DAPP1: variants seen among roughly 807,000 people sequenced by gnomAD.
DAPP1 encodes dual adapter for phosphotyrosine and 3-phosphotyrosine and 3-phosphoinositide.
DAPP1 carries 20 observed loss-of-function variants against 41.5 expected under a neutral mutation model. That is an observed-to-expected ratio of 0.48 (90% confidence interval 0.34 to 0.70). The LOEUF is 0.70. Ranked by LOEUF, DAPP1 falls within the 30% of genes least tolerant of loss-of-function variation. DAPP1 has a pLI of 0.01. For synonymous variants in DAPP1, 113 were observed against 116.2 expected, an observed-to-expected ratio of 0.97 and a Z score of 0.18; for missense variants, 233 against 333.4, an observed-to-expected ratio of 0.70 and a Z score of 2.35.
chr4:99,845,498 A>C (rs1184182739), intron 3 of DAPP1, among the ~76,000 whole-genome samples: 1 of 152,220 alleles, frequency 6.6e-6, no homozygotes, highest in Non-Finnish European at 1.5e-5. Flanking sequence ...CCTTTAATAA[A>C]TTTGGAAGAA....
In DAPP1 at chr4:99,869,563, T is replaced by C. The variant is rs1348718750; in HGVS notation, c.*1378T>C. 6.6e-6 allele frequency: 1 copy of C among 152,224 alleles called. No homozygotes were observed. Among genetic ancestry groups the C allele is most frequent in the Non-Finnish European group, 1.5e-5 (1 of 68,038 alleles). 9.4% of individuals were successfully genotyped at this position (152,224 alleles called of 1,614,324 possible). ...TTGTATATTTCAACAACATTTTAAATGTATTTTGTTATGTTTGTATTATAT... is the reference window on the plus strand; with the variant it reads ...TTGTATATTTCAACAACATTTTAAACGTATTTTGTTATGTTTGTATTATAT... On this transcript the variant is annotated 3_prime_UTR_variant, in exon 9 of 9. Transcript: ENST00000512369.
intron 1 of DAPP1, among the ~76,000 whole-genome samples, chr4:99,835,012 ATT>A (rs34131192): frequency 0.045 from 6,405 of 143,802 alleles, 168 homozygotes; most frequent in Middle Eastern, 0.12. Flanking sequence ...TAATGACCTC[ATT>A]TTTTTTTTTT....
At chr4:99,833,198 C>A (rs1298303393) in intron 1 of DAPP1, among the ~76,000 whole-genome samples, 1 of 152,186 alleles carries the variant, frequency 6.6e-6, no homozygotes, top group African/African-American at 2.4e-5. Context: ...ACTTATAATT[C>A]TTCCAATTGT....
chr4:99,860,897 C>T (rs986102415), intron 4 of DAPP1, among the ~76,000 whole-genome samples: 1 of 152,168 alleles, frequency 6.6e-6, no homozygotes, highest in African/African-American at 2.4e-5. Context: ...CCTTATATTT[C>T]GTAGGTGTTA....
chr4:99,817,361 C>T (rs1339088853), intron 1 of DAPP1, among the ~76,000 whole-genome samples: 2 of 152,122 alleles, frequency 1.3e-5, no homozygotes, highest in South Asian at 2.1e-4. Context: ...TGAATAAATG[C>T]GCTGTTCAAG....
chr4:99,860,193 T>G (rs966934062), intron 4 of DAPP1, among the ~76,000 whole-genome samples: 1 of 152,258 alleles, frequency 6.6e-6, no homozygotes, highest in Non-Finnish European at 1.5e-5. Context: ...TGAATAAAAT[T>G]AATAGTCTCA....
chr4:99,818,377 G>A lies in DAPP1; in HGVS notation c.101+1363G>A, dbSNP rs1312549198. Among the ~76,000 whole-genome samples, 5 of 152,282 alleles carry A rather than the reference G, an allele frequency of 3.3e-5. No homozygotes were observed. In the South Asian group the frequency reaches 6.2e-4, roughly 19 times the overall value. On this transcript the variant is annotated intron_variant, in intron 1 of 8. Transcript: ENST00000512369. ...TCTTATTGAACTATTAAGTTACAATGCTTTACATGTTCTGTTAACTGTATT... is the reference window on the plus strand; with the variant it reads ...TCTTATTGAACTATTAAGTTACAATACTTTACATGTTCTGTTAACTGTATT...
chr4:99,870,873 T>C (rs1186551308), downstream of DAPP1, among the ~76,000 whole-genome samples: 4 of 152,134 alleles, frequency 2.6e-5, no homozygotes, highest in Non-Finnish European at 5.9e-5. Flanking sequence ...TTACAATGAT[T>C]TGATTTAGGA....
chr4:99,844,600 T>C (rs533120705), intron 3 of DAPP1: 1 of 152,346 alleles, frequency 6.6e-6, no homozygotes, highest in African/African-American at 2.4e-5. Context: ...TATGTTTCAA[T>C]AATTCTTAAC....
At chr4:99,825,202 G>A (rs1279212099) in intron 1 of DAPP1, among the ~76,000 whole-genome samples, 2 of 152,082 alleles carry the variant, frequency 1.3e-5, no homozygotes, top group African/African-American at 2.4e-5. Context: ...GGTCTCTTGA[G>A]TTTTGTGTCT....
intron 1 of DAPP1, among the ~76,000 whole-genome samples, chr4:99,824,735 C>T (rs1406949409): frequency 6.6e-6 from 1 of 152,198 alleles, no homozygotes; most frequent in Non-Finnish European, 1.5e-5. Flanking sequence ...CTTGATTTTA[C>T]TTGAAGATGA....
At chr4:99,849,840 G>A (rs935664338) in intron 3 of DAPP1, among the ~76,000 whole-genome samples, 1 of 152,178 alleles carries the variant, frequency 6.6e-6, no homozygotes, top group African/African-American at 2.4e-5. Flanking sequence ...GGAGCCAGAA[G>A]GGAGAGAACC....
At chr4:99,855,159 C>A (rs527719451) in intron 4 of DAPP1, among the ~76,000 whole-genome samples, 1 of 152,280 alleles carries the variant, frequency 6.6e-6, no homozygotes, top group African/African-American at 2.4e-5. Flanking sequence ...ACTCTGCAAC[C>A]AATTCTTGTT....
At chr4:99,841,060 A>T (rs1306481370) in intron 3 of DAPP1, among the ~76,000 whole-genome samples, 2 of 152,218 alleles carry the variant, frequency 1.3e-5, no homozygotes, top group Non-Finnish European at 2.9e-5. Context: ...TATTTTAATG[A>T]AGTAAAATAT....
At chr4:99,853,869 G>C (rs764412487) in intron 4 of DAPP1, among the ~76,000 whole-genome samples, 14 of 152,146 alleles carry the variant, frequency 9.2e-5, no homozygotes, top group African/African-American at 3.1e-4. Context: ...TAAATACTTC[G>C]AAAATGGAAC....
intron 1 of DAPP1, 30 bp downstream of exon 1, chr4:99,817,044 C>G: frequency 6.5e-7 from 1 of 1,534,978 alleles, no homozygotes; most frequent in Non-Finnish European, 8.9e-7. Flanking sequence ...TTCAAAGTAC[C>G]TAGTGGGTGG....
At chr4:99,841,460 TAA>T (rs1005051388) in intron 3 of DAPP1, among the ~76,000 whole-genome samples, 3 of 152,240 alleles carry the variant, frequency 2.0e-5, no homozygotes, top group Non-Finnish European at 4.4e-5. Context: ...AATGAAGTTA[TAA>T]CCTTTTTTTC....
chr4:99,842,861 T>A (rs1723541717), intron 3 of DAPP1, among the ~76,000 whole-genome samples: 1 of 148,954 alleles, frequency 6.7e-6, no homozygotes, highest in South Asian at 2.1e-4. Context: ...TCTTTTTTTT[T>A]TTTTTTTTGA....
chr4:99,845,326 T>C (rs1175888619), intron 3 of DAPP1, among the ~76,000 whole-genome samples: 1 of 152,172 alleles, frequency 6.6e-6, no homozygotes, highest in African/African-American at 2.4e-5. Context: ...ATTGTTGCCA[T>C]GGTACAGTGT....
Sources: gnomAD v4.1 joint callset for allele counts (sites outside exome capture counted in the v4.1 genomes callset) on GRCh38, gnomAD v4.1.1 for gene constraint, MANE v1.5 for transcripts, NCBI Gene and HGNC (gene_info 2026-07-23, HGNC 2026-07-21) for gene names.